CAMK1D: variants seen among roughly 807,000 people sequenced by gnomAD.
CAMK1D encodes the protein calcium/calmodulin dependent protein kinase ID, also known as calcium/calmodulin-dependent protein kinase type 1D.
Under a neutral mutation model 47.7 loss-of-function variants are expected in CAMK1D, and 9 were observed. That is an observed-to-expected ratio of 0.19 (90% CI 0.11 to 0.33). CAMK1D has a LOEUF of 0.33. CAMK1D is among the 10% of genes least tolerant of loss of function. The probability of loss-of-function intolerance (pLI) is 1.00; values close to 1 mark genes in which losing one functional copy is unlikely to be tolerated. For synonymous variants in CAMK1D, 184 were observed against 184.9 expected, an observed-to-expected ratio of 0.99 and a Z score of 0.04; for missense variants, 291 against 488.7, an observed-to-expected ratio of 0.60 and a Z score of 3.81.
At chr10:12,818,217 C>A (rs1832879474) in intron 8 of CAMK1D, among the ~76,000 whole-genome samples, 1 of 152,216 alleles carries the variant, frequency 6.6e-6, no homozygotes, top group South Asian at 2.1e-4. Flanking sequence ...TGCTCACAGA[C>A]AATGTCCTGA....
At chr10:12,620,376 A>G (rs915294271) in intron 2 of CAMK1D, among the ~76,000 whole-genome samples, 5 of 152,204 alleles carry the variant, frequency 3.3e-5, no homozygotes, top group African/African-American at 1.2e-4. Flanking sequence ...GTCACTTTAC[A>G]TTCCCACCAG....
At chr10:12,527,388 T>G (rs1412975925) in intron 1 of CAMK1D, among the ~76,000 whole-genome samples, 1 of 134,334 alleles carries the variant, frequency 7.4e-6, no homozygotes, top group East Asian at 2.3e-4. Flanking sequence ...GGAGTGTCGC[T>G]CTGTTGCCCA....
At chr10:12,675,291 T>C (rs1211985890) in intron 3 of CAMK1D, among the ~76,000 whole-genome samples, 1 of 152,186 alleles carries the variant, frequency 6.6e-6, no homozygotes, top group Non-Finnish European at 1.5e-5. Context: ...TGGAGCCCTG[T>C]CCAGAACTCT....
intron 1 of CAMK1D, among the ~76,000 whole-genome samples, chr10:12,483,757 G>A (rs1834131743): frequency 6.6e-6 from 1 of 152,050 alleles, no homozygotes; most frequent in African/African-American, 2.4e-5. Context: ...CGTGATCTCG[G>A]CTCACTACAA....
intron 4 of CAMK1D, among the ~76,000 whole-genome samples, chr10:12,764,764 C>T (rs1477214180): frequency 1.3e-5 from 2 of 152,150 alleles, no homozygotes; most frequent in African/African-American, 4.8e-5. Context: ...AGCTTGACAG[C>T]ATTCTTGTTT....
At chr10:12,639,425 C>G (rs1312929665) in intron 2 of CAMK1D, among the ~76,000 whole-genome samples, 1 of 152,182 alleles carries the variant, frequency 6.6e-6, no homozygotes, top group Non-Finnish European at 1.5e-5. Context: ...GCGGAGGTTG[C>G]AGGGAGCCAA....
At chr10:12,445,781 A>G (rs1266548397) in intron 1 of CAMK1D, among the ~76,000 whole-genome samples, 1 of 152,194 alleles carries the variant, frequency 6.6e-6, no homozygotes, top group Non-Finnish European at 1.5e-5. Flanking sequence ...ATAACTTTTA[A>G]TTGTCTTCCT....
chr10:12,595,217 C>T (rs1838107597), intron 2 of CAMK1D, among the ~76,000 whole-genome samples: 1 of 151,690 alleles, frequency 6.6e-6, no homozygotes, highest in Admixed American at 6.6e-5. Flanking sequence ...TGGCATGTGC[C>T]TTCAATCCCA....
chr10:12,405,471 CCG>C (rs1446358283), intron 1 of CAMK1D, among the ~76,000 whole-genome samples: 13 of 152,216 alleles, frequency 8.5e-5, no homozygotes, highest in Admixed American at 6.5e-4. Flanking sequence ...CGAGAAAACT[CCG>C]CTGTTTGCTT....
chr10:12,484,629 C>T (rs1335451948), intron 1 of CAMK1D, among the ~76,000 whole-genome samples: 2 of 152,188 alleles, frequency 1.3e-5, no homozygotes, highest in Non-Finnish European at 2.9e-5. Context: ...AGGGTGAGCT[C>T]ATTCACGGGG....
chr10:12,802,675 C>G (rs973415949), intron 6 of CAMK1D, among the ~76,000 whole-genome samples: 1 of 152,188 alleles, frequency 6.6e-6, no homozygotes, highest in Non-Finnish European at 1.5e-5. Flanking sequence ...TGTGTGCCAC[C>G]ACGCCTGGCC....
chr10:12,632,852 G>A (rs1325801066), intron 2 of CAMK1D, among the ~76,000 whole-genome samples: 2 of 151,972 alleles, frequency 1.3e-5, no homozygotes, highest in Non-Finnish European at 2.9e-5. Flanking sequence ...GCACCACCAC[G>A]CCCAGCTAAT....
At chr10:12,419,055 G>A (rs186091585) in intron 1 of CAMK1D, among the ~76,000 whole-genome samples, 280 of 152,272 alleles carry the variant, frequency 1.8e-3, no homozygotes, top group African/African-American at 6.3e-3. Context: ...GTCTCTTTTG[G>A]ACCTCACATT....
intron 1 of CAMK1D, among the ~76,000 whole-genome samples, chr10:12,390,917 A>G (rs1473054767): frequency 6.6e-6 from 1 of 152,010 alleles, no homozygotes; most frequent in African/African-American, 2.4e-5. Context: ...GATGCTGTGC[A>G]TAGTCCTGAC....
chr10:12,387,093 A>G (rs1270387764), intron 1 of CAMK1D, among the ~76,000 whole-genome samples: 1 of 150,902 alleles, frequency 6.6e-6, no homozygotes, highest in Non-Finnish European at 1.5e-5. Flanking sequence ...AGTCCCAGCT[A>G]CTCAGGAGGG....
chr10:12,454,955 A>G (rs995563338), intron 1 of CAMK1D, among the ~76,000 whole-genome samples: 1 of 152,148 alleles, frequency 6.6e-6, no homozygotes, highest in Admixed American at 6.5e-5. Flanking sequence ...CTTATTTAGG[A>G]AATGTGTGAG....
intron 1 of CAMK1D, among the ~76,000 whole-genome samples, chr10:12,434,323 T>C (rs1164766110): frequency 6.6e-6 from 1 of 152,236 alleles, no homozygotes; most frequent in Non-Finnish European, 1.5e-5. Flanking sequence ...GTAAGCCATT[T>C]GGCCTTTCCA....
intron 5 of CAMK1D, among the ~76,000 whole-genome samples, chr10:12,789,130 A>G (rs1187337295): frequency 1.3e-5 from 2 of 152,208 alleles, no homozygotes; most frequent in East Asian, 1.9e-4. Context: ...TTCCTTTCCA[A>G]GTGTGTCCAA....
chr10:12,773,864 A>G (rs1837153971), intron 5 of CAMK1D, among the ~76,000 whole-genome samples: 1 of 152,186 alleles, frequency 6.6e-6, no homozygotes, highest in African/African-American at 2.4e-5. Context: ...GCGCCACTGC[A>G]CTCCAGCCTG....
Sources: gnomAD v4.1 joint callset for allele counts (sites outside exome capture counted in the v4.1 genomes callset) on GRCh38, gnomAD v4.1.1 for gene constraint, MANE v1.5 for transcripts, NCBI Gene and HGNC (gene_info 2026-07-23, HGNC 2026-07-21) for gene names.